The following COMMD10 variants were observed in gnomAD, a reference collection of about 807,000 sequenced individuals.
The protein encoded by COMMD10 is COMM domain-containing protein 10.
A neutral mutation model predicts 28.9 loss-of-function variants in COMMD10; 33 were observed. The observed-to-expected ratio is 1.14, with a 90% CI of 0.87 to 1.53. The LOEUF (loss-of-function observed/expected upper bound fraction) is 1.53, where lower values mean the gene tolerates loss of function less well. Among genes scored for constraint, COMMD10 ranks in the 40% most tolerant of loss-of-function variants. The probability of loss-of-function intolerance (pLI) is 0.00; values close to 1 mark genes in which losing one functional copy is unlikely to be tolerated. For missense variants in COMMD10, 310 were observed against 233.4 expected (o/e 1.33, Z -2.14); for synonymous variants, 110 against 81.7 (o/e 1.35, Z -1.87).
chr5:116,186,159 A>G lies in COMMD10; in HGVS notation c.510+51981A>G, dbSNP rs981894232. On this transcript the variant is annotated intron_variant, in intron 5 of 6. Transcript: ENST00000274458. Reference sequence around the variant, plus strand: ...ATCCAAGCATCGAATGAAGGTAACAAATTAATCAACTTATTGGTTCAGCTG... The same window carrying G: ...ATCCAAGCATCGAATGAAGGTAACAGATTAATCAACTTATTGGTTCAGCTG... Among the ~76,000 whole-genome samples the G allele has an allele frequency of 2.0e-5, 3 of 152,132 alleles. 1 individual carries two copies. The highest frequency in any genetic ancestry group is 2.9e-5 in the Non-Finnish European group (2 of 68,016).
Position 116,187,833 on chromosome 5 carries a change from T to A in COMMD10, c.510+53655T>A, listed in dbSNP as rs185875908. 2.2e-4 allele frequency among the ~76,000 whole-genome samples: 33 copies of A among 152,272 alleles called. No individual in the cohort carries two copies. The East Asian group carries it at 4.2e-3, about 20-fold the overall frequency. On this transcript the variant is annotated intron_variant, in intron 5 of 6. Coordinates refer to ENST00000274458, the MANE Select transcript of COMMD10 (RefSeq NM_016144.4). ...CTTTATGTTGTAAACAGTGTTTTTT[T>A]AAAGTACTTTCTTTATACCTTACAC...
intron 4 of COMMD10, among the ~76,000 whole-genome samples, chr5:116,093,269 G>T (rs1750357518): frequency 6.6e-6 from 1 of 152,162 alleles, no homozygotes; most frequent in Non-Finnish European, 1.5e-5. Context: ...TCTCCACAAA[G>T]AAGAACCAAA....
At chr5:116,180,781 A>G (rs1032850706) in intron 5 of COMMD10, among the ~76,000 whole-genome samples, 5 of 152,142 alleles carry the variant, frequency 3.3e-5, no homozygotes, top group South Asian at 2.1e-4. Flanking sequence ...ATATTGTAGT[A>G]TATCAGCTAT....
intron 5 of COMMD10, among the ~76,000 whole-genome samples, chr5:116,253,715 AT>A (rs1750192015): frequency 6.7e-6 from 1 of 148,442 alleles, no homozygotes; most frequent in South Asian, 2.2e-4. Context: ...TTTATTGAGG[AT>A]TTTTGCATCA....
intron 5 of COMMD10, among the ~76,000 whole-genome samples, chr5:116,250,673 A>G (rs1472084675): frequency 1.3e-5 from 2 of 151,900 alleles, no homozygotes; most frequent in Non-Finnish European, 2.9e-5. Flanking sequence ...GGAATGAGCT[A>G]ACTGATGGAA....
intron 2 of COMMD10, 48 bp from the exon 3 acceptor site, chr5:116,091,031 G>T (rs1750278433): frequency 1.8e-6 from 2 of 1,118,046 alleles, no homozygotes; most frequent in Non-Finnish European, 2.6e-6. Context: ...TATGAATTTT[G>T]AATGCCTGAA....
chr5:116,288,587 C>G (rs1380731157), intron 5 of COMMD10, among the ~76,000 whole-genome samples: 1 of 151,618 alleles, frequency 6.6e-6, no homozygotes, highest in Non-Finnish European at 1.5e-5. Context: ...ATATATGGAC[C>G]TGGTTGATAT....
intron 5 of COMMD10, among the ~76,000 whole-genome samples, chr5:116,171,401 A>G (rs773324195): frequency 3.3e-5 from 5 of 152,184 alleles, no homozygotes; most frequent in Non-Finnish European, 7.3e-5. Context: ...TAGTTCAACC[A>G]TTGTGGAAGA....
chr5:116,220,825 C>T (rs1047862000), intron 5 of COMMD10, among the ~76,000 whole-genome samples: 2 of 151,946 alleles, frequency 1.3e-5, no homozygotes, highest in Non-Finnish European at 2.9e-5. Flanking sequence ...TTAAAGGGAC[C>T]ATCTTTTAAA....
At chr5:116,272,812 C>G (rs1750795366) in intron 5 of COMMD10, among the ~76,000 whole-genome samples, 1 of 151,764 alleles carries the variant, frequency 6.6e-6, no homozygotes, top group Non-Finnish European at 1.5e-5. Context: ...ATCGTGTAAG[C>G]TGAACCAATT....
At chr5:116,255,854 A>G (rs1408854593) in intron 5 of COMMD10, 2 of 151,418 alleles carry the variant, frequency 1.3e-5, no homozygotes, top group Admixed American at 6.6e-5. Flanking sequence ...AACATTAAGA[A>G]ATGTTAGTCT....
chr5:116,276,997 G>A (rs72808912), intron 5 of COMMD10, among the ~76,000 whole-genome samples: 8,012 of 151,778 alleles, frequency 0.053, 298 homozygotes, highest in East Asian at 0.14. Flanking sequence ...AAAAACCATT[G>A]AATTATGCAC....
intron 5 of COMMD10, among the ~76,000 whole-genome samples, chr5:116,189,292 C>T (rs1748264948): frequency 1.3e-5 from 2 of 151,920 alleles, no homozygotes; most frequent in South Asian, 4.2e-4. Flanking sequence ...GTTTCCAACT[C>T]CCAGGCTCAA....
At chr5:116,210,413 A>G (rs977890136) in intron 5 of COMMD10, among the ~76,000 whole-genome samples, 3 of 151,948 alleles carry the variant, frequency 2.0e-5, no homozygotes, top group African/African-American at 7.2e-5. Context: ...TTTCTTAGGA[A>G]GATAATTATA....
At chr5:116,144,621 G>A (rs1241408595) in intron 5 of COMMD10, among the ~76,000 whole-genome samples, 1 of 151,842 alleles carries the variant, frequency 6.6e-6, no homozygotes, top group African/African-American at 2.4e-5. Flanking sequence ...AAGATGGAGG[G>A]CAGTATTGGA....
chr5:116,164,583 T>C lies in COMMD10; in HGVS notation c.510+30405T>C, dbSNP rs1363667635. ...GTAACTGTCTATTTTAGTAACTGTCTATTTTCAGTTACTTTTTAAAACCCT... is the reference window on the plus strand; with the variant it reads ...GTAACTGTCTATTTTAGTAACTGTCCATTTTCAGTTACTTTTTAAAACCCT... On this transcript the variant is annotated intron_variant, in intron 5 of 6. Transcript: ENST00000274458. Among the ~76,000 whole-genome samples, 12 of 152,234 alleles carry C rather than the reference T, an allele frequency of 7.9e-5. 1 individual carries two copies. The highest frequency in any genetic ancestry group is 7.2e-4 in the Admixed American group (11 of 15,282).
At chr5:116,174,373 C>G (rs558714823) in intron 5 of COMMD10, among the ~76,000 whole-genome samples, 27 of 152,142 alleles carry the variant, frequency 1.8e-4, no homozygotes, top group African/African-American at 6.3e-4. Context: ...TTCTGTATTG[C>G]CTTATAGGAC....
At chr5:116,239,785 G>A (rs1749766702) in intron 5 of COMMD10, among the ~76,000 whole-genome samples, 1 of 152,084 alleles carries the variant, frequency 6.6e-6, no homozygotes, top group Admixed American at 6.6e-5. Context: ...TGCTACATTG[G>A]GTGCTCCTGT....
intron 5 of COMMD10, among the ~76,000 whole-genome samples, chr5:116,220,109 G>A (rs964297038): frequency 8.5e-5 from 13 of 152,148 alleles, no homozygotes; most frequent in Admixed American, 7.2e-4. Flanking sequence ...AGACAATTGG[G>A]AGATAATTTT....
Sources: allele counts gnomAD v4.1 joint callset (sites outside exome capture counted in the v4.1 genomes callset), GRCh38; gene constraint gnomAD v4.1.1; transcripts MANE v1.5; gene names NCBI Gene and HGNC (gene_info 2026-07-23, HGNC 2026-07-21).